The following MAML2 variants were observed in gnomAD, a reference collection of about 807,000 sequenced individuals.
MAML2 encodes the protein mastermind-like protein 2.
MAML2 carries 22 observed loss-of-function variants against 96.1 expected under a neutral mutation model. That is an observed-to-expected ratio of 0.23 (90% CI 0.16 to 0.33). The LOEUF is 0.33. MAML2 is among the 10% of genes least tolerant of loss of function. MAML2 has a pLI of 1.00. For missense variants in MAML2, 1,367 were observed against 1,392.4 expected (o/e 0.98, Z 0.29); for synonymous variants, 561 against 521.3 (o/e 1.08, Z -1.04).
chr11:96,130,391 C>T (rs1860526374), intron 1 of MAML2, among the ~76,000 whole-genome samples: 2 of 152,190 alleles, frequency 1.3e-5, no homozygotes, highest in Non-Finnish European at 2.9e-5. Flanking sequence ...CTTTCTCTAC[C>T]TCCTGTCTCA....
chr11:96,319,614 C>T (rs1001336040), intron 1 of MAML2, among the ~76,000 whole-genome samples: 3 of 152,068 alleles, frequency 2.0e-5, no homozygotes, highest in Non-Finnish European at 2.9e-5. Flanking sequence ...GTCTCTTTTG[C>T]TTTGCTACTC....
In MAML2 at chr11:96,033,663, G is replaced by T. The variant is rs143523374; in HGVS notation, c.2140-41940C>A. On this transcript the variant is annotated intron_variant, in intron 2 of 4. Coordinates refer to ENST00000524717, the MANE Select transcript of MAML2 (RefSeq NM_032427.4). ...AGAGGAATTGACTCTTGGGGTGAAA[G>T]TTGTGGTCTGGTGAGAGAGCACATG... 3.6e-3 allele frequency among the ~76,000 whole-genome samples: 542 copies of T among 152,312 alleles called. 5 individuals are homozygous for T. Among genetic ancestry groups the T allele is most frequent in the African/African-American group, 0.012 (519 of 41,552 alleles).
intron 1 of MAML2, among the ~76,000 whole-genome samples, chr11:96,264,473 C>T (rs1254675085): frequency 6.6e-6 from 1 of 152,176 alleles, no homozygotes; most frequent in Admixed American, 6.5e-5. Context: ...TACGGCTGGA[C>T]TTGAGTTCTG....
intron 1 of MAML2, among the ~76,000 whole-genome samples, chr11:96,162,919 C>T (rs888203247): frequency 4.6e-5 from 7 of 152,104 alleles, no homozygotes; most frequent in Non-Finnish European, 8.8e-5. Context: ...GCTTGTGTAG[C>T]TATGTCATTA....
chr11:96,039,319 G>C (rs1858768423), intron 2 of MAML2, among the ~76,000 whole-genome samples: 1 of 145,358 alleles, frequency 6.9e-6, no homozygotes, highest in Non-Finnish European at 1.5e-5. Flanking sequence ...AGGGGAGAGA[G>C]GAGGAGAGGA....
At chr11:96,001,739 T>C (rs1858081505) in intron 2 of MAML2, among the ~76,000 whole-genome samples, 1 of 152,206 alleles carries the variant, frequency 6.6e-6, no homozygotes, top group African/African-American at 2.4e-5. Flanking sequence ...AAATCATACA[T>C]AGCTCTTCAC....
intron 1 of MAML2, among the ~76,000 whole-genome samples, chr11:96,274,169 G>A (rs1393174693): frequency 7.2e-6 from 1 of 138,040 alleles, no homozygotes; most frequent in Non-Finnish European, 1.5e-5. Flanking sequence ...TGCAAGCTCC[G>A]CCTCGCGGGT....
At chr11:96,055,988 T>C (rs1859060351) in intron 2 of MAML2, among the ~76,000 whole-genome samples, 1 of 152,202 alleles carries the variant, frequency 6.6e-6, no homozygotes, top group Non-Finnish European at 1.5e-5. Context: ...TCTGGTTTCC[T>C]TGTTTTATAT....
Position 96,222,369 on chromosome 11 carries a change from G to T in MAML2, c.513+119014C>A, listed in dbSNP as rs557528630. ...TCACTGTTGTCAGTAGCACCATCCA[G>T]ACTCTAGTGCAGACACCTCTCCATA... On this transcript the variant is annotated intron_variant, in intron 1 of 4. Transcript: ENST00000524717. 7.3e-4 allele frequency among the ~76,000 whole-genome samples: 111 copies of T among 152,284 alleles called. No individual in the cohort carries two copies. The Middle Eastern group carries it at 0.017, about 23-fold the overall frequency.
chr11:96,099,542 T>C (rs1186254849), intron 1 of MAML2, among the ~76,000 whole-genome samples: 1 of 152,186 alleles, frequency 6.6e-6, no homozygotes, highest in African/African-American at 2.4e-5. Context: ...TGGGCATTCA[T>C]TGCCTTATAC....
chr11:96,151,821 T>C (rs774050365), intron 1 of MAML2, among the ~76,000 whole-genome samples: 1 of 152,212 alleles, frequency 6.6e-6, no homozygotes, highest in Non-Finnish European at 1.5e-5. Flanking sequence ...TGTTTATAAA[T>C]TACTCAGTCT....
chr11:96,042,689 AGC>A, intron 2 of MAML2, among the ~76,000 whole-genome samples: 1 of 151,210 alleles, frequency 6.6e-6, no homozygotes, highest in Middle Eastern at 3.2e-3. Context: ...AATGTCACAA[AGC>A]TCAATGAAGT....
At chr11:96,155,199 A>AGG (rs1591043766) in intron 1 of MAML2, among the ~76,000 whole-genome samples, 1 of 152,092 alleles carries the variant, frequency 6.6e-6, no homozygotes, top group East Asian at 1.9e-4. Flanking sequence ...TTTGGAATTC[A>AGG]GGTGGGAAAA....
chr11:96,006,870 TATACACACACACACACACACACACACAC>T (rs1858188460), intron 2 of MAML2, among the ~76,000 whole-genome samples: 1 of 109,804 alleles, frequency 9.1e-6, no homozygotes, highest in African/African-American at 3.2e-5. Context: ...AGGAATATCT[TATACACACACACACACACACACACACAC>T]ACACACACAC....
rs1035247718 is a variant in MAML2 at position 96,111,338 on chromosome 11, T to G, written c.514-17821A>C. Among the ~76,000 whole-genome samples, 3 of 152,206 alleles carry G rather than the reference T, an allele frequency of 2.0e-5. No homozygotes were observed. The East Asian group carries it at 5.8e-4, about 29-fold the overall frequency. ...TTTCTCTCCCATTGACCTGTACCTA[T>G]TCCTAGCAAATTCACTGCTTCATGA... On this transcript the variant is annotated intron_variant, in intron 1 of 4. Coordinates refer to ENST00000524717, the MANE Select transcript of MAML2 (RefSeq NM_032427.4).
intron 2 of MAML2, among the ~76,000 whole-genome samples, chr11:96,003,582 CT>C (rs1254374682): frequency 1.3e-5 from 2 of 152,046 alleles, no homozygotes; most frequent in Non-Finnish European, 2.9e-5. Context: ...AAGGTGGGTT[CT>C]GGGATCAGGC....
chr11:96,204,383 A>C (rs373665404), intron 1 of MAML2, among the ~76,000 whole-genome samples: 30 of 152,342 alleles, frequency 2.0e-4, no homozygotes, highest in African/African-American at 6.0e-4. Context: ...ACAGACTTAC[A>C]AACAGACTAA....
chr11:96,281,210 G>T (rs1357184796), intron 1 of MAML2, among the ~76,000 whole-genome samples: 1 of 152,204 alleles, frequency 6.6e-6, no homozygotes, highest in Non-Finnish European at 1.5e-5. Flanking sequence ...GAAGAACATG[G>T]GAGCTGTAAT....
intron 1 of MAML2, among the ~76,000 whole-genome samples, chr11:96,256,036 G>A (rs1862662731): frequency 2.0e-5 from 3 of 151,880 alleles, no homozygotes; most frequent in African/African-American, 7.3e-5. Context: ...ACCACACCCA[G>A]CTAATTTCTG....
Sources: allele counts gnomAD v4.1 joint callset (sites outside exome capture counted in the v4.1 genomes callset), GRCh38; gene constraint gnomAD v4.1.1; transcripts MANE v1.5; gene names NCBI Gene and HGNC (gene_info 2026-07-23, HGNC 2026-07-21).